Variants in RPS6KC1 observed in about 807,000 individuals in gnomAD.
RPS6KC1 encodes ribosomal protein S6 kinase C1.
A neutral mutation model predicts 103.8 loss-of-function variants in RPS6KC1; 54 were observed. That is an observed-to-expected ratio of 0.52 (90% confidence interval 0.42 to 0.65). The LOEUF is 0.65. Ranked by LOEUF, RPS6KC1 falls within the 30% of genes least tolerant of loss-of-function variation. The pLI, the probability that RPS6KC1 is intolerant of heterozygous loss-of-function variation, is 0.00. For missense variants in RPS6KC1, 1,151 were observed against 1,253.8 expected, an observed-to-expected ratio of 0.92 and a Z score of 1.24; for synonymous variants, 439 against 438.7, an observed-to-expected ratio of 1.00 and a Z score of -0.01.
At chr1:213,099,561 T>C (rs1211368310) in intron 3 of RPS6KC1, among the ~76,000 whole-genome samples, 1 of 152,176 alleles carries the variant, frequency 6.6e-6, no homozygotes, top group Non-Finnish European at 1.5e-5. Flanking sequence ...AAGTATCCCA[T>C]TGTATGTGTG....
the RPS6KC1 span, among the ~76,000 whole-genome samples, chr1:213,371,528 A>G: frequency 6.6e-6 from 1 of 152,216 alleles, no homozygotes; most frequent in Non-Finnish European, 1.5e-5. Flanking sequence ...GCTGTTTTCC[A>G]TAGTGGCTGA....
chr1:213,262,944 T>C, intron 14 of RPS6KC1, 128 bp downstream of exon 14: 1 of 678,230 alleles, frequency 1.5e-6, no homozygotes, highest in South Asian at 1.7e-5. Context: ...AAAGACACGT[T>C]CAGAATTAAT....
the RPS6KC1 span, among the ~76,000 whole-genome samples, chr1:213,745,359 G>A: frequency 6.6e-6 from 1 of 151,442 alleles, no homozygotes; most frequent in African/African-American, 2.4e-5. Flanking sequence ...TTCCTCTGGG[G>A]GCTGTTTGTG....
the RPS6KC1 span, among the ~76,000 whole-genome samples, chr1:213,788,608 G>A: frequency 4.6e-5 from 7 of 152,184 alleles, no homozygotes; most frequent in Non-Finnish European, 1.0e-4. Flanking sequence ...GAGAACTACA[G>A]GAAACTTCAG....
At chr1:213,199,685 T>C (rs2093081580) in intron 8 of RPS6KC1, among the ~76,000 whole-genome samples, 1 of 152,128 alleles carries the variant, frequency 6.6e-6, no homozygotes. Context: ...GGCATTCAAA[T>C]AGGAAGGGAG....
rs145418018 is a variant in RPS6KC1 at position 213,124,885 on chromosome 1, G to T, written c.473-4642G>T. On this transcript the variant is annotated intron_variant, in intron 5 of 14. Coordinates refer to ENST00000366960, the MANE Select transcript of RPS6KC1 (RefSeq NM_012424.6). ...TCAAGAGGATAATTAAAGGAATAAGGTGGGCAAGGAAGAGGTGTCAGGGGT... is the reference window on the plus strand; with the variant it reads ...TCAAGAGGATAATTAAAGGAATAAGTTGGGCAAGGAAGAGGTGTCAGGGGT... Among the ~76,000 whole-genome samples, 13 of 152,238 alleles carry T rather than the reference G, an allele frequency of 8.5e-5. No homozygotes were observed. In the East Asian group the frequency reaches 1.9e-3, roughly 23 times the overall value.
At chr1:213,093,810 A>G (rs1401957111) in intron 3 of RPS6KC1, among the ~76,000 whole-genome samples, 2 of 152,174 alleles carry the variant, frequency 1.3e-5, no homozygotes, top group African/African-American at 2.4e-5. Context: ...TGCTAGATGC[A>G]TGTCAGCTAG....
chr1:213,861,747 C>A, the RPS6KC1 span, among the ~76,000 whole-genome samples: 1 of 152,206 alleles, frequency 6.6e-6, no homozygotes, highest in Non-Finnish European at 1.5e-5. Context: ...TCCTCATTAA[C>A]AGAAGATGCA....
chr1:213,492,542 A>G, the RPS6KC1 span: 4 of 152,306 alleles, frequency 2.6e-5, no homozygotes, highest in East Asian at 7.7e-4. Context: ...TGTGTGAAGG[A>G]TTCTCCACCT....
chr1:213,214,465 A>G (rs1157676128), intron 8 of RPS6KC1, among the ~76,000 whole-genome samples: 1 of 152,230 alleles, frequency 6.6e-6, no homozygotes, highest in African/African-American at 2.4e-5. Context: ...GCATAGCCGA[A>G]CAAAAGGCAG....
chr1:213,595,959 T>C, the RPS6KC1 span, among the ~76,000 whole-genome samples: 1 of 152,138 alleles, frequency 6.6e-6, no homozygotes, highest in Admixed American at 6.5e-5. Flanking sequence ...GATTTTTTTT[T>C]TGCTGTTGTG....
the RPS6KC1 span, among the ~76,000 whole-genome samples, chr1:213,502,535 A>G: frequency 1.4e-3 from 209 of 152,334 alleles, no homozygotes; most frequent in African/African-American, 4.8e-3. Flanking sequence ...GTGACAAACT[A>G]CTGTAAAAAT....
the RPS6KC1 span, among the ~76,000 whole-genome samples, chr1:213,515,115 G>C: frequency 6.6e-6 from 1 of 151,598 alleles, no homozygotes; most frequent in African/African-American, 2.4e-5. Context: ...GTTCATTGTA[G>C]ATTCTGGATA....
chr1:213,461,607 G>A, the RPS6KC1 span, among the ~76,000 whole-genome samples: 1 of 152,086 alleles, frequency 6.6e-6, no homozygotes. Context: ...ACAGAACAGA[G>A]GCCTCAGAAA....
intron 12 of RPS6KC1, among the ~76,000 whole-genome samples, chr1:213,258,673 T>G (rs1306348319): frequency 1.3e-5 from 2 of 152,210 alleles, no homozygotes; most frequent in Admixed American, 1.3e-4. Flanking sequence ...AGTGAGAATT[T>G]TGAGCAGGGA....
chr1:213,416,565 G>A, the RPS6KC1 span, among the ~76,000 whole-genome samples: 1 of 152,184 alleles, frequency 6.6e-6, no homozygotes, highest in African/African-American at 2.4e-5. Flanking sequence ...GCTGGGCTGT[G>A]AGTCCAGATT....
chr1:213,353,395 A>T, the RPS6KC1 span, among the ~76,000 whole-genome samples: 2 of 152,242 alleles, frequency 1.3e-5, no homozygotes, highest in African/African-American at 4.8e-5. Context: ...TACTGGTATT[A>T]TCATTCTAAT....
At chr1:213,841,761 C>G in the RPS6KC1 span, among the ~76,000 whole-genome samples, 12 of 152,296 alleles carry the variant, frequency 7.9e-5, no homozygotes, top group Admixed American at 3.3e-4. Context: ...ATGTTTGAGA[C>G]AGTGTGTTCA....
chr1:213,120,224 C>T (rs941579414), intron 5 of RPS6KC1, among the ~76,000 whole-genome samples: 4 of 152,172 alleles, frequency 2.6e-5, no homozygotes, highest in African/African-American at 4.8e-5. Flanking sequence ...CTGAAACACA[C>T]TGTGATCCAT....
Sources: gnomAD v4.1 joint callset for allele counts (sites outside exome capture counted in the v4.1 genomes callset) on GRCh38, gnomAD v4.1.1 for gene constraint, MANE v1.5 for transcripts, NCBI Gene and HGNC (gene_info 2026-07-23, HGNC 2026-07-21) for gene names.